The following SHROOM4 variants were observed in gnomAD, a reference collection of about 807,000 sequenced individuals.
SHROOM4 encodes shroom family member 4.
SHROOM4 carries 17 observed loss-of-function variants against 80.3 expected under a neutral mutation model. The ratio of observed to expected loss-of-function variants is 0.21; its 90% confidence interval spans 0.14 to 0.32. The LOEUF is 0.32. Among genes scored for constraint, SHROOM4 ranks in the 10% least tolerant of loss-of-function variants. SHROOM4 has a pLI of 1.00. For missense variants in SHROOM4, 993 were observed against 1,140.3 expected, an observed-to-expected ratio of 0.87 and a Z score of 1.86; for synonymous variants, 400 against 437.5, an observed-to-expected ratio of 0.91 and a Z score of 1.07.
intron 2 of SHROOM4, among the ~76,000 whole-genome samples, chrX:50,651,625 C>A (rs1210789268): frequency 9.0e-6 from 1 of 111,448 alleles, no homozygotes; most frequent in African/African-American, 3.3e-5. Context: ...AATACATGTG[C>A]AGAACGTGCA....
chrX:50,745,089 A>G (rs1934746488), intron 1 of SHROOM4, among the ~76,000 whole-genome samples: 2 of 111,738 alleles, frequency 1.8e-5, no homozygotes, highest in Admixed American at 1.9e-4. Context: ...GGTAGCTCCC[A>G]CACAGGTTTA....
At chrX:50,776,697 AT>A (rs1350695765) in intron 1 of SHROOM4, among the ~76,000 whole-genome samples, 1 of 106,647 alleles carries the variant, frequency 9.4e-6, no homozygotes. Flanking sequence ...CTTTTTTTTT[AT>A]TTTTTTTTGA....
At chrX:50,759,051 T>A in intron 1 of SHROOM4, among the ~76,000 whole-genome samples, 1 of 111,837 alleles carries the variant, frequency 8.9e-6, no homozygotes, top group East Asian at 2.8e-4. Context: ...CTTCTCTTTG[T>A]CAATATATTT....
chrX:50,648,581 C>T (rs1363862182), intron 2 of SHROOM4, among the ~76,000 whole-genome samples: 1 of 112,005 alleles, frequency 8.9e-6, no homozygotes, highest in East Asian at 2.8e-4. Context: ...AAAGGAAATG[C>T]TAACAAAATG....
intron 2 of SHROOM4, among the ~76,000 whole-genome samples, chrX:50,687,440 C>T (rs782392543): frequency 6.3e-5 from 7 of 110,863 alleles, no homozygotes; most frequent in Non-Finnish European, 9.4e-5. Flanking sequence ...TTTAATTTTT[C>T]TCTCTCTTGC....
chrX:50,747,180 G>A (rs1934790266), intron 1 of SHROOM4, among the ~76,000 whole-genome samples: 1 of 111,916 alleles, frequency 8.9e-6, no homozygotes, highest in African/African-American at 3.2e-5. Context: ...ATGTCAGATT[G>A]CTAAGCTTAG....
At chrX:50,642,255 T>G (rs1020931239) in intron 2 of SHROOM4, among the ~76,000 whole-genome samples, 1 of 111,867 alleles carries the variant, frequency 8.9e-6, no homozygotes, top group African/African-American at 3.3e-5. Context: ...TGACCATCTG[T>G]TTTTCATGAG....
At chrX:50,665,581 G>A (rs1300837823) in intron 2 of SHROOM4, among the ~76,000 whole-genome samples, 7 of 110,102 alleles carry the variant, frequency 6.4e-5, no homozygotes, top group Non-Finnish European at 1.1e-4. Flanking sequence ...GTGCTACAGA[G>A]AGCAAACTAG....
chrX:50,804,459 C>T (rs1028980341), intron 1 of SHROOM4, among the ~76,000 whole-genome samples: 2 of 112,027 alleles, frequency 1.8e-5, no homozygotes, highest in African/African-American at 3.2e-5. Context: ...CCCTCATTTC[C>T]CTCCCTCCGT....
At chrX:50,801,615 T>C (rs1203899009) in intron 1 of SHROOM4, among the ~76,000 whole-genome samples, 2 of 111,847 alleles carry the variant, frequency 1.8e-5, no homozygotes, top group East Asian at 2.8e-4. Context: ...TTCAGAACAC[T>C]GCACTTTTCT....
chrX:50,590,725 G>A lies in SHROOM4; in HGVS notation c.*5970C>T, dbSNP rs1366518674. Among the ~76,000 whole-genome samples the A allele has an allele frequency of 1.8e-5, 2 of 112,299 alleles. No individual in the cohort carries two copies. The highest frequency in any genetic ancestry group is 6.5e-5 in the African/African-American group (2 of 30,927). ...TAAGACAATCAGTCTATGGTAGTAT[G>A]TTATAGCAACCCAAGCATACTAAAA... On this transcript the variant is annotated 3_prime_UTR_variant, in exon 9 of 9. Transcript: ENST00000376020.
Position 50,627,657 on chromosome X carries a change from A to G in SHROOM4, c.2914T>C (p.Trp972Arg). ...LTVQEFPGDKWNPITGNRKTS... is the reference protein window; with the variant it reads ...LTVQEFPGDKRNPITGNRKTS... ...TTCCTGTTTCCTGTTATTGGATTCC[A>G]TTTGTCCCCAGGAAATTCCTGTAAA... The change falls in exon 5 of 9, where the codon TGG (tryptophan) becomes CGG (arginine). Residue 972 changes from tryptophan (W) to arginine (R), a missense_variant. Physicochemically the swap from Trp to Arg is moderately radical, Grantham distance 101. Transcript: ENST00000376020. 8.3e-7 allele frequency: 1 copy of G among 1,209,862 alleles called. No homozygotes were observed. Among genetic ancestry groups the G allele is most frequent in the Non-Finnish European group, 1.1e-6 (1 of 894,302 alleles).
chrX:50,619,326 C>T (rs1476197069), intron 5 of SHROOM4, among the ~76,000 whole-genome samples: 4 of 111,206 alleles, frequency 3.6e-5, no homozygotes, highest in Non-Finnish European at 5.7e-5. Context: ...AAGCCCAACC[C>T]GTCTCGCCTT....
intron 1 of SHROOM4, among the ~76,000 whole-genome samples, chrX:50,792,960 C>T (rs1935883266): frequency 9.7e-6 from 1 of 102,893 alleles, no homozygotes; most frequent in Admixed American, 1.1e-4. Context: ...TCTGGGTATT[C>T]ATCTAAAAGA....
intron 1 of SHROOM4, among the ~76,000 whole-genome samples, chrX:50,812,884 T>C (rs1349509411): frequency 4.5e-5 from 5 of 112,001 alleles, no homozygotes; most frequent in Non-Finnish European, 9.4e-5. Context: ...GATTTGAGGA[T>C]TTAAGAGAAA....
chrX:50,661,418 G>A (rs1364991267), intron 2 of SHROOM4, among the ~76,000 whole-genome samples: 2 of 111,236 alleles, frequency 1.8e-5, no homozygotes, highest in Non-Finnish European at 3.8e-5. Context: ...GGCTGGTCTC[G>A]AATTCCTGAG....
At chrX:50,641,685 T>A (rs1478299939) in intron 2 of SHROOM4, among the ~76,000 whole-genome samples, 3 of 111,412 alleles carry the variant, frequency 2.7e-5, no homozygotes, top group Non-Finnish European at 5.7e-5. Context: ...CAATCTTGGC[T>A]GACTGCAACC....
At chrX:50,737,239 A>C in intron 1 of SHROOM4, among the ~76,000 whole-genome samples, 1 of 111,490 alleles carries the variant, frequency 9.0e-6, no homozygotes, top group Middle Eastern at 4.6e-3. Context: ...TCATTGAAAA[A>C]TTAAAACGGT....
At chrX:50,737,153 A>T (rs1934514139) in intron 1 of SHROOM4, among the ~76,000 whole-genome samples, 1 of 111,700 alleles carries the variant, frequency 9.0e-6, no homozygotes, top group Admixed American at 9.6e-5. Context: ...AATATGAAGT[A>T]TATTCTGATA....
Sources: allele counts gnomAD v4.1 joint callset (sites outside exome capture counted in the v4.1 genomes callset), GRCh38; gene constraint gnomAD v4.1.1; transcripts MANE v1.5; gene names NCBI Gene and HGNC (gene_info 2026-07-23, HGNC 2026-07-21).